SAMD11: variants seen among roughly 807,000 people sequenced by gnomAD.
The protein encoded by SAMD11 is sterile alpha motif domain-containing protein 11.
In SAMD11, 77 loss-of-function variants were observed where a neutral mutation model predicts 64.4. The ratio of observed to expected loss-of-function variants is 1.20; its 90% CI spans 0.99 to 1.44. SAMD11 has a LOEUF of 1.44. Ranked by LOEUF, SAMD11 falls within the 40% of genes most tolerant of loss-of-function variation. The probability of loss-of-function intolerance (pLI) is 0.00; values close to 1 mark genes in which losing one functional copy is unlikely to be tolerated. For missense variants in SAMD11, 1,402 were observed against 943.3 expected (o/e 1.49, Z -6.37); for synonymous variants, 658 against 421.9 (o/e 1.56, Z -6.86).
chr1:939,537 C>T (rs1641637694), intron 7 of SAMD11, 125 bp downstream of exon 7: 4 of 1,525,914 alleles, frequency 2.6e-6, no homozygotes, highest in Non-Finnish European at 3.5e-6. Flanking sequence ...GTTGCTGAGG[C>T]CCTGCTGACA....
rs148978341 is a variant in SAMD11, at chr1:943,994, G to A, written c.2376G>A (p.Glu792=). The change falls in exon 14 of 14, where the codon GAG becomes GAA. Residue 792 remains glutamate, a synonymous_variant. Coordinates refer to ENST00000616016, the MANE Select transcript of SAMD11 (RefSeq NM_001385641.1). ...AGCCACCAACCCTGCGGGCCCCGGA[G>A]CGAGAACTCGGCACAGGAGAGCAGC... ...PLQPPTLRAP[E]RELGTGEQPL... is the part of the protein sequence containing the mutation. The A allele has an allele frequency of 1.2e-6, 2 of 1,612,868 alleles. No individual in the cohort carries two copies. Among genetic ancestry groups the A allele is most frequent in the South Asian group, 1.1e-5 (1 of 91,078 alleles).
chr1:933,448 T>A (rs1210390902), intron 4 of SAMD11, among the ~76,000 whole-genome samples: 1 of 152,142 alleles, frequency 6.6e-6, no homozygotes, highest in African/African-American at 2.4e-5. Flanking sequence ...CCTCCCTCAC[T>A]TTCCTTCTGG....
rs757208910 is a variant in SAMD11, at chr1:942,499, G to A, written c.1553+11G>A. The A allele has an allele frequency of 1.0e-5, 15 of 1,464,758 alleles. No homozygotes were observed. Among genetic ancestry groups the A allele is most frequent in the South Asian group, 6.6e-5 (5 of 76,018 alleles). The allele number at this position is 1,464,758 out of a possible 1,614,324, so 90.7% of individuals were successfully genotyped here. On this transcript the variant is annotated intron_variant, in intron 10 of 13. Transcript: ENST00000616016. ...GCAGAACCTGGCCCGGTAGGTGCGG[G>A]GAGGCGGGCGGGGCCGCGCGGCCCG...
rs370046315 is a variant in SAMD11, at chr1:925,977, C to T, written c.573C>T (p.Ile191=). ...GGATCCTGCAGGTGCATCCTCCGAT[C>T]TGCGACTGCCCGGGCTGCCGAATAT... ...SKGILQVHPP[I]CDCPGCRISS... Residue 191 remains isoleucine, a synonymous_variant, in exon 2 of 14, where the codon ATC becomes ATT. Coordinates refer to ENST00000616016, the MANE Select transcript of SAMD11 (RefSeq NM_001385641.1). 6.2e-7 allele frequency: 1 copy of T among 1,612,232 alleles called. No individual in the cohort carries two copies. Among genetic ancestry groups the T allele is most frequent in the Non-Finnish European group, 8.5e-7 (1 of 1,179,970 alleles).
chr1:926,083 G>A (rs1415967854), intron 2 of SAMD11, 70 bp downstream of exon 2: 4 of 1,478,984 alleles, frequency 2.7e-6, no homozygotes, highest in East Asian at 2.3e-5. Context: ...CGGTTTTCAG[G>A]GTTTTCAGGA....
chr1:927,260 G>A (rs1462289198), intron 2 of SAMD11, among the ~76,000 whole-genome samples: 1 of 152,216 alleles, frequency 6.6e-6, no homozygotes, highest in East Asian at 1.9e-4. Flanking sequence ...CAAGCAGCTG[G>A]TGCTGGAGAG....
At chr1:940,943 C>G in intron 7 of SAMD11, 1 of 526,318 alleles carries the variant, frequency 1.9e-6, no homozygotes, top group Non-Finnish European at 3.3e-6. Context: ...CTTTTCCCGA[C>G]ACTTCCTCGC....
chr1:938,962 C>G, intron 5 of SAMD11, 78 bp from the exon 6 acceptor site: 1 of 1,316,306 alleles, frequency 7.6e-7, no homozygotes, highest in Non-Finnish European at 1.1e-6. Flanking sequence ...TGGGTGCGGT[C>G]CAGGCTGAGC....
At chr1:927,216 C>G (rs1446568164) in intron 2 of SAMD11, among the ~76,000 whole-genome samples, 1 of 152,186 alleles carries the variant, frequency 6.6e-6, no homozygotes, top group African/African-American at 2.4e-5. Flanking sequence ...CTGTCACAGA[C>G]CTACCCGGGG....
At chr1:938,186 G>C (rs750386230) in intron 5 of SAMD11, among the ~76,000 whole-genome samples, 5 of 152,278 alleles carry the variant, frequency 3.3e-5, no homozygotes, top group Middle Eastern at 3.4e-3. Context: ...GGGTGCGGTC[G>C]GCAGGACCCA....
intron 2 of SAMD11, among the ~76,000 whole-genome samples, chr1:928,818 C>A (rs369925128): frequency 6.6e-6 from 1 of 152,246 alleles, no homozygotes; most frequent in Non-Finnish European, 1.5e-5. Flanking sequence ...AGCTTCCAGA[C>A]CCTTGGGGAG....
intron 4 of SAMD11, among the ~76,000 whole-genome samples, chr1:932,136 G>A (rs1569875638): frequency 6.6e-6 from 1 of 152,226 alleles, no homozygotes; most frequent in Non-Finnish European, 1.5e-5. Flanking sequence ...TCATTTTGGG[G>A]TTGCCAGCTC....
intron 2 of SAMD11, among the ~76,000 whole-genome samples, chr1:928,049 T>C (rs1640976685): frequency 6.6e-6 from 1 of 152,140 alleles, no homozygotes; most frequent in South Asian, 2.1e-4. Flanking sequence ...CTCTTCCCCA[T>C]CCCACAGACA....
rs1275145094 is a variant in SAMD11, at chr1:943,694, C to G, written c.2179-4C>G. 3 of 1,560,918 alleles carry G rather than the reference C, an allele frequency of 1.9e-6. No homozygotes were observed. Among genetic ancestry groups the G allele is most frequent in the Non-Finnish European group, 1.7e-6 (2 of 1,151,154 alleles). ...TCCTGACCCTCCCTCCCTCCCCCTTCCAGGTCTTCAGGGAGCAGGGGATCG... is the reference window on the plus strand; with the variant it reads ...TCCTGACCCTCCCTCCCTCCCCCTTGCAGGTCTTCAGGGAGCAGGGGATCG... On this transcript the variant is annotated splice_polypyrimidine_tract_variant and splice_region_variant and intron_variant, in intron 12 of 13. Coordinates refer to ENST00000616016, the MANE Select transcript of SAMD11 (RefSeq NM_001385641.1).
At position 943,285 on chromosome 1, in the gene SAMD11, G is replaced by A. The variant is rs1199872268; in HGVS notation, c.2086G>A (p.Glu696Lys). 1.2e-6 allele frequency: 2 copies of A among 1,612,698 alleles called. No homozygotes were observed. Among genetic ancestry groups the A allele is most frequent in the Admixed American group, 3.3e-5 (2 of 59,972 alleles). Reference protein sequence around the residue: ...AVGGLSMDGEEAPAPEDVTKW... With the variant: ...AVGGLSMDGEKAPAPEDVTKW... ...AGGGGGACTCTCCATGGATGGGGAG[G>A]AGGCCCCAGCCCCTGAGGACGTCAC... The change falls in exon 12 of 14, where the codon GAG (glutamate) becomes AAG (lysine). Residue 696 changes from glutamate (E) to lysine (K), a missense_variant. Coordinates refer to ENST00000616016, the MANE Select transcript of SAMD11 (RefSeq NM_001385641.1).
chr1:931,116 G>C (rs1641147238), intron 4 of SAMD11, 27 bp downstream of exon 4: 1 of 1,607,438 alleles, frequency 6.2e-7, no homozygotes, highest in Non-Finnish European at 8.5e-7. Context: ...GCGTGCATAA[G>C]AGGGGGCCGT....
At chr1:932,388 C>T (rs1406509592) in intron 4 of SAMD11, among the ~76,000 whole-genome samples, 1 of 152,164 alleles carries the variant, frequency 6.6e-6, no homozygotes, top group South Asian at 2.1e-4. Context: ...TAGGAAGAGG[C>T]CAGGTCTTCC....
intron 7 of SAMD11, chr1:940,262 C>CG (rs746881449): frequency 0.024 from 3,438 of 143,006 alleles, 58 homozygotes; most frequent in Non-Finnish European, 0.039. Context: ...GCGCCGGCCG[C>CG]CGGGGAGCGC....
At chr1:936,437 C>T (rs1259974695) in intron 5 of SAMD11, among the ~76,000 whole-genome samples, 1 of 147,156 alleles carries the variant, frequency 6.8e-6, no homozygotes, top group Non-Finnish European at 1.5e-5. Context: ...CCCGGTCGGT[C>T]CCGCCTTCTA....
Sources: allele counts gnomAD v4.1 joint callset (sites outside exome capture counted in the v4.1 genomes callset), GRCh38; gene constraint gnomAD v4.1.1; transcripts MANE v1.5; gene names NCBI Gene and HGNC (gene_info 2026-07-23, HGNC 2026-07-21).